Variants in MYO10 observed in about 807,000 individuals in gnomAD.
The protein encoded by MYO10 is unconventional myosin-X.
Under a neutral mutation model 257.3 loss-of-function variants are expected in MYO10, and 133 were observed. The observed-to-expected ratio is 0.52, with a 90% confidence interval of 0.45 to 0.60. MYO10 has a LOEUF of 0.60. Among genes scored for constraint, MYO10 ranks in the 20% least tolerant of loss-of-function variants. The pLI is 0.00. For synonymous variants in MYO10, 1,104 were observed against 1,028.6 expected, an observed-to-expected ratio of 1.07 and a Z score of -1.40; for missense variants, 2,399 against 2,635.7, an observed-to-expected ratio of 0.91 and a Z score of 1.97.
chr5:16,717,688 C>T (rs1444845247), intron 19 of MYO10, among the ~76,000 whole-genome samples: 2 of 152,150 alleles, frequency 1.3e-5, no homozygotes, highest in African/African-American at 4.8e-5. Flanking sequence ...ATCCTTACTT[C>T]GCATATCAAC....
intron 21 of MYO10, 124 bp from the exon 22 acceptor site, chr5:16,704,809 C>A: frequency 1.4e-6 from 1 of 711,640 alleles, no homozygotes; most frequent in Non-Finnish European, 2.4e-6. Flanking sequence ...ACCACATGGC[C>A]ATGCTTTCTA....
At chr5:16,873,327 C>T (rs1483930880) in intron 2 of MYO10, among the ~76,000 whole-genome samples, 1 of 152,226 alleles carries the variant, frequency 6.6e-6, no homozygotes, top group Non-Finnish European at 1.5e-5. Flanking sequence ...GGTCACACTG[C>T]TGTAAGAAGT....
In MYO10 at chr5:16,662,346, CAG is replaced by C. The variant is rs1346293349; in HGVS notation, c.*4344_*4345del. 4.8e-3 allele frequency: 71 copies of C among 14,812 alleles called. No individual in the cohort carries two copies. The highest frequency in any genetic ancestry group is 0.014 in the African/African-American group (67 of 4,638). 0.9% of individuals were successfully genotyped at this position (14,812 alleles called of 1,614,324 possible). A position where few individuals can be genotyped will look rare whatever the true frequency, so the allele number is the denominator to read the frequency against. On this transcript the variant is annotated 3_prime_UTR_variant, in exon 41 of 41. Coordinates refer to ENST00000513610, the MANE Select transcript of MYO10 (RefSeq NM_012334.3). ...TTTTTTTTTTTTTTTTTTTTGGAGA[CAG>C]AGTCTTGCTCTGTCACCCACACCAG...
In MYO10 at chr5:16,757,301, A is replaced by AACACACACACACACAC. The variant is rs71595978; in HGVS notation, c.1848+816_1848+817insGTGTGTGTGTGTGTGT. On this transcript the variant is annotated intron_variant, in intron 18 of 40. Transcript: ENST00000513610. ...CAAGACCCTGTCTCACACACACACA[A>AACACACACACACACAC]ACACACACACACACGCACACACACA... 8.3e-5 allele frequency among the ~76,000 whole-genome samples: 7 copies of AACACACACACACACAC among 84,348 alleles called. No individual in the cohort carries two copies. In the East Asian group the frequency reaches 1.7e-3, roughly 21 times the overall value. 55.3% of individuals were successfully genotyped at this position (84,348 alleles called of 152,430 possible).
intron 2 of MYO10, among the ~76,000 whole-genome samples, chr5:16,861,364 G>C (rs142204266): frequency 1.3e-5 from 2 of 151,786 alleles, no homozygotes; most frequent in African/African-American, 4.8e-5. Context: ...TCAGGGGTTC[G>C]AGACCAGCCT....
rs3061955 is a variant in MYO10, at chr5:16,921,636, G to GA, written c.21+14151dup. Among the ~76,000 whole-genome samples the GA allele has an allele frequency of 5.3e-3, 641 of 120,534 alleles. 4 individuals are homozygous for GA. The highest frequency in any genetic ancestry group is 8.4e-3 in the Non-Finnish European group (462 of 55,324). The allele number at this position is 120,534 out of a possible 152,430, so 79.1% of individuals were successfully genotyped here. ...GGTCTGGAAAAAAGAAAAGGAAAAA[G>GA]AAAAAAAAAAAAAACGAAAACAGTG... On this transcript the variant is annotated intron_variant, in intron 1 of 40. Transcript: ENST00000513610.
At chr5:16,899,528 T>G (rs1302010518) in intron 1 of MYO10, among the ~76,000 whole-genome samples, 1 of 149,112 alleles carries the variant, frequency 6.7e-6, no homozygotes, top group Non-Finnish European at 1.5e-5. Flanking sequence ...TCCCAGCTAC[T>G]CAGGAGGCTA....
intron 19 of MYO10, among the ~76,000 whole-genome samples, chr5:16,748,951 G>C (rs997979479): frequency 3.3e-5 from 5 of 152,034 alleles, no homozygotes; most frequent in African/African-American, 1.2e-4. Flanking sequence ...CCCTGTGTGA[G>C]ATGGTTTACA....
Position 16,666,769 on chromosome 5 carries a change from T to TCATGAG in MYO10, c.6094_6099dup (p.Leu2032_Met2033dup), listed in dbSNP as rs1289108977. On this transcript the variant is annotated inframe_insertion, in exon 41 of 41. Coordinates refer to ENST00000513610, the MANE Select transcript of MYO10 (RefSeq NM_012334.3). ...TTCACGATCATGCTGATGTAGGCTTTCATGAGCTTGGCCACATCCACCACC... is the reference window on the plus strand; with the variant it reads ...TTCACGATCATGCTGATGTAGGCTTTCATGAGCATGAGCTTGGCCACATCCACCACC... The TCATGAG allele has an allele frequency of 6.2e-7, 1 of 1,606,298 alleles. No homozygotes were observed.
chr5:16,779,749 T>C, intron 8 of MYO10, 101 bp from the exon 9 acceptor site: 4 of 652,664 alleles, frequency 6.1e-6, no homozygotes, highest in Non-Finnish European at 7.8e-6. Context: ...AATTCTGTGC[T>C]CTTAACAGTC....
At chr5:16,778,686 AGGTT>A (rs1267494892) in intron 9 of MYO10, among the ~76,000 whole-genome samples, 1 of 101,180 alleles carries the variant, frequency 9.9e-6, no homozygotes, top group African/African-American at 4.1e-5. Context: ...CGCTTTGCTG[AGGTT>A]TTTTTTTTTT....
At position 16,936,098 on chromosome 5, in the gene MYO10, T is replaced by G; in HGVS notation, c.-290A>C. Reference sequence around the variant, plus strand: ...GCGGAGAACAGCTGGTGGCACATTCTTCCCCCAGGCGGGGGAAGGCGGCGG... The same window carrying G: ...GCGGAGAACAGCTGGTGGCACATTCGTCCCCCAGGCGGGGGAAGGCGGCGG... On this transcript the variant is annotated 5_prime_UTR_variant, in exon 1 of 41. Coordinates refer to ENST00000513610, the MANE Select transcript of MYO10 (RefSeq NM_012334.3). 6.4e-5 allele frequency: 26 copies of G among 408,592 alleles called. No individual in the cohort carries two copies. Among genetic ancestry groups the G allele is most frequent in the Non-Finnish European group, 7.5e-5 (17 of 226,526 alleles). The allele number at this position is 408,592 out of a possible 1,614,324, so 25.3% of individuals were successfully genotyped here.
Position 16,682,024 on chromosome 5 carries a change from A to G in MYO10, c.4047-11T>C, listed in dbSNP as rs752774045. ...ACAAACGAGTTGGGTCTGAGCCACA[A>G]GATGAGAAGGAAACAAAGCCCCTTA... On this transcript the variant is annotated splice_polypyrimidine_tract_variant and intron_variant, in intron 30 of 40. Transcript: ENST00000513610. 4.3e-6 allele frequency: 7 copies of G among 1,611,922 alleles called. No individual in the cohort carries two copies. The African/African-American group carries it at 9.3e-5, about 22-fold the overall frequency.
At chr5:16,902,124 C>T (rs1745395545) in intron 1 of MYO10, among the ~76,000 whole-genome samples, 1 of 152,076 alleles carries the variant, frequency 6.6e-6, no homozygotes, top group African/African-American at 2.4e-5. Context: ...GGGCTCACTG[C>T]AACCTCCACC....
Position 16,703,142 on chromosome 5 carries a change from C to A in MYO10, c.2293G>T (p.Val765Phe). Residue 765 changes from valine to phenylalanine, a missense_variant, in exon 23 of 41, where the codon GTC (valine) becomes TTC (phenylalanine). Coordinates refer to ENST00000513610, the MANE Select transcript of MYO10 (RefSeq NM_012334.3). ...TGTATTATCACCACACAATAAAGGA[C>A]CTTTCTGTATTGTTTTCTGAAAATG... ...GFLARKQYRK[V>F]LYCVVIIQKN... The A allele has an allele frequency of 6.3e-7, 1 of 1,595,522 alleles. No individual in the cohort carries two copies.
At chr5:16,868,604 CAA>C (rs1296546044) in intron 2 of MYO10, among the ~76,000 whole-genome samples, 2 of 130,492 alleles carry the variant, frequency 1.5e-5, no homozygotes. Flanking sequence ...GACTCCGTCT[CAA>C]AAAAAAAAAA....
intron 19 of MYO10, among the ~76,000 whole-genome samples, chr5:16,721,218 T>C (rs1015138972): frequency 1.3e-5 from 2 of 152,208 alleles, no homozygotes; most frequent in Admixed American, 1.3e-4. Context: ...CATCCCCTCC[T>C]CTTGCTGATT....
chr5:16,705,676 G>A (rs894548101), intron 21 of MYO10, among the ~76,000 whole-genome samples: 2 of 151,986 alleles, frequency 1.3e-5, no homozygotes, highest in Non-Finnish European at 1.5e-5. Flanking sequence ...GGTGCATCAC[G>A]TTCTCCCAAT....
rs370006820 is a variant in MYO10 at position 16,678,376 on chromosome 5, T to TG, written c.4542+1570dup. Among the ~76,000 whole-genome samples the TG allele has an allele frequency of 3.0e-4, 46 of 152,158 alleles. No individual in the cohort carries two copies. The East Asian group carries it at 7.8e-3, about 26-fold the overall frequency. On this transcript the variant is annotated intron_variant, in intron 33 of 40. Coordinates refer to ENST00000513610, the MANE Select transcript of MYO10 (RefSeq NM_012334.3). ...AGGCAGATCACCTGAGGTCAGGAGT[T>TG]GGAGTCTAGCCTGGCCAACATGGTG...
Sources: allele counts gnomAD v4.1 joint callset (sites outside exome capture counted in the v4.1 genomes callset), GRCh38; gene constraint gnomAD v4.1.1; transcripts MANE v1.5; gene names NCBI Gene and HGNC (gene_info 2026-07-23, HGNC 2026-07-21).